The following GABRB3 variants were observed in gnomAD, a reference collection of about 807,000 sequenced individuals.
GABRB3 encodes gamma-aminobutyric acid receptor subunit beta-3.
GABRB3 carries 14 observed loss-of-function variants against 52.1 expected under a neutral mutation model. The observed-to-expected ratio is 0.27, with a 90% CI of 0.18 to 0.42. GABRB3 has a LOEUF of 0.42. Among genes scored for constraint, GABRB3 ranks in the 10% least tolerant of loss-of-function variants. The pLI is 1.00. For synonymous variants in GABRB3, 260 were observed against 232.3 expected, an observed-to-expected ratio of 1.12 and a Z score of -1.08; for missense variants, 307 against 609.1, an observed-to-expected ratio of 0.50 and a Z score of 5.22.
chr15:26,705,523 A>G (rs2088130608), intron 3 of GABRB3, among the ~76,000 whole-genome samples: 1 of 152,232 alleles, frequency 6.6e-6, no homozygotes, highest in Non-Finnish European at 1.5e-5. Context: ...ATGAAACTCT[A>G]TTCACCAATA....
At chr15:26,698,396 A>C (rs1288396546) in intron 3 of GABRB3, among the ~76,000 whole-genome samples, 2 of 152,206 alleles carry the variant, frequency 1.3e-5, no homozygotes, top group Non-Finnish European at 2.9e-5. Context: ...CCAAAGTGAA[A>C]TCTATTAGAA....
intron 3 of GABRB3, among the ~76,000 whole-genome samples, chr15:26,748,124 A>C (rs558216216): frequency 1.3e-5 from 2 of 151,958 alleles, no homozygotes; most frequent in South Asian, 4.1e-4. Flanking sequence ...TGATTTGCCC[A>C]TATTTTGTTC....
chr15:26,657,933 A>G (rs1484131623), intron 3 of GABRB3, among the ~76,000 whole-genome samples: 1 of 152,208 alleles, frequency 6.6e-6, no homozygotes, highest in African/African-American at 2.4e-5. Flanking sequence ...TGGAGACCAG[A>G]CTGCCTTCGT....
chr15:26,578,266 T>C (rs751244148), intron 6 of GABRB3, among the ~76,000 whole-genome samples: 3 of 152,208 alleles, frequency 2.0e-5, no homozygotes, highest in Non-Finnish European at 2.9e-5. Flanking sequence ...ACAGGTGAAT[T>C]AGAATAACTT....
intron 3 of GABRB3, among the ~76,000 whole-genome samples, chr15:26,708,454 C>T (rs1394304089): frequency 1.3e-5 from 2 of 152,170 alleles, no homozygotes; most frequent in Non-Finnish European, 2.9e-5. Flanking sequence ...ACTCCAGGGA[C>T]AGGCAGTCAA....
At chr15:26,634,532 C>T (rs572881763) in intron 3 of GABRB3, among the ~76,000 whole-genome samples, 4 of 152,128 alleles carry the variant, frequency 2.6e-5, no homozygotes, top group Non-Finnish European at 4.4e-5. Context: ...GCCATGGCAA[C>T]GGATTAGAGG....
chr15:26,772,829 G>C (rs534064800), intron 1 of GABRB3, 54 bp downstream of exon 1: 1 of 1,459,654 alleles, frequency 6.9e-7, no homozygotes, highest in African/African-American at 1.5e-5. Context: ...AGCCGCCAGC[G>C]CCCCGCGCAC....
chr15:26,614,265 C>T (rs1242970914), intron 4 of GABRB3: 1 of 152,098 alleles, frequency 6.6e-6, no homozygotes, highest in Non-Finnish European at 1.5e-5. Context: ...CTCATTAAAT[C>T]CAAGTGAGGG....
intron 3 of GABRB3, among the ~76,000 whole-genome samples, chr15:26,702,352 T>G (rs549172543): frequency 2.0e-5 from 3 of 152,236 alleles, no homozygotes; most frequent in Non-Finnish European, 4.4e-5. Flanking sequence ...TCCAATTATG[T>G]AAGGAACCCT....
At chr15:26,626,095 T>A (rs1892682499) in intron 3 of GABRB3, among the ~76,000 whole-genome samples, 1 of 152,248 alleles carries the variant, frequency 6.6e-6, no homozygotes, top group Non-Finnish European at 1.5e-5. Flanking sequence ...CATATTTTGG[T>A]AATTTTCACA....
intron 4 of GABRB3, among the ~76,000 whole-genome samples, chr15:26,608,126 C>A (rs35948970): frequency 0.49 from 73,155 of 148,218 alleles, 19,092 homozygotes; most frequent in Middle Eastern, 0.59. Context: ...AAGGCACATC[C>A]GCCAATGAAA....
intron 3 of GABRB3, among the ~76,000 whole-genome samples, chr15:26,738,057 T>C (rs1227211717): frequency 2.0e-5 from 3 of 151,934 alleles, no homozygotes; most frequent in African/African-American, 7.3e-5. Context: ...CGGCTTATGT[T>C]TTGTTTTTTT....
At chr15:26,735,717 G>A (rs1890046847) in intron 3 of GABRB3, among the ~76,000 whole-genome samples, 1 of 152,160 alleles carries the variant, frequency 6.6e-6, no homozygotes, top group Non-Finnish European at 1.5e-5. Flanking sequence ...GGGAGGTCAA[G>A]GCAAAAGGAT....
chr15:26,691,782 C>G (rs896304731), intron 3 of GABRB3, among the ~76,000 whole-genome samples: 2 of 145,104 alleles, frequency 1.4e-5, no homozygotes, highest in African/African-American at 2.9e-5. Flanking sequence ...ACAAAGAAAA[C>G]AAAGAAAGAA....
chr15:26,604,305 T>A (rs781668382), intron 4 of GABRB3, among the ~76,000 whole-genome samples: 2 of 152,152 alleles, frequency 1.3e-5, no homozygotes, highest in African/African-American at 4.8e-5. Flanking sequence ...TGTTCATGGA[T>A]TGGAAGAATC....
chr15:26,762,535 T>G (rs1800321222), intron 3 of GABRB3, among the ~76,000 whole-genome samples: 1 of 152,118 alleles, frequency 6.6e-6, no homozygotes, highest in South Asian at 2.1e-4. Context: ...AAAAAAAAAT[T>G]TCCAGTCAAA....
chr15:26,611,337 T>C (rs1040385732), intron 4 of GABRB3, among the ~76,000 whole-genome samples: 1 of 152,164 alleles, frequency 6.6e-6, no homozygotes, highest in Admixed American at 6.5e-5. Context: ...TGAGGAAACA[T>C]TTCTATAAAT....
rs572956017 is a variant in GABRB3 at position 26,687,182 on chromosome 15, T to C, written c.241-65648A>G. ...CTCCACTGTGCTCCAGGGAGCTAGA[T>C]TGAACACTTACATATTCAGCTTTCT... On this transcript the variant is annotated intron_variant, in intron 3 of 8. Coordinates refer to ENST00000311550, the MANE Select transcript of GABRB3 (RefSeq NM_000814.6). Among the ~76,000 whole-genome samples the C allele has an allele frequency of 5.9e-5, 9 of 152,374 alleles. No homozygotes were observed. The East Asian group carries it at 1.4e-3, about 23-fold the overall frequency.
chr15:26,567,597 A>G lies in GABRB3; in HGVS notation c.819T>C (p.Ala273=). ...VSFWINYDAS[A]ARVALGITTV... ...AGCACATACCGAGGGCAACTCTAGC[A>G]GCAGATGCATCATAATTGATCCAGA... Residue 273 remains alanine (A), a synonymous_variant, in exon 7 of 9, where the codon GCT becomes GCC. Coordinates refer to ENST00000311550, the MANE Select transcript of GABRB3 (RefSeq NM_000814.6). The G allele has an allele frequency of 6.2e-7, 1 of 1,613,940 alleles. No homozygotes were observed. The highest frequency in any genetic ancestry group is 1.1e-5 in the South Asian group (1 of 91,080).
Sources: gnomAD v4.1 joint callset for allele counts (sites outside exome capture counted in the v4.1 genomes callset) on GRCh38, gnomAD v4.1.1 for gene constraint, MANE v1.5 for transcripts, NCBI Gene and HGNC (gene_info 2026-07-23, HGNC 2026-07-21) for gene names.